DAPK1: variants seen among roughly 807,000 people sequenced by gnomAD.
DAPK1 encodes death associated protein kinase 1, also known as death-associated protein kinase 1.
Under a neutral mutation model 144.9 loss-of-function variants are expected in DAPK1, and 56 were observed. That is an observed-to-expected ratio of 0.39 (90% CI 0.31 to 0.48). DAPK1 has a LOEUF of 0.48. Ranked by LOEUF, DAPK1 falls within the 20% of genes least tolerant of loss-of-function variation. DAPK1 has a pLI of 0.95. For missense variants in DAPK1, 1,454 were observed against 1,875.4 expected (o/e 0.78, Z 4.15); for synonymous variants, 690 against 749.0 (o/e 0.92, Z 1.29).
chr9:87,552,760 T>C (rs1485246229), intron 2 of DAPK1, among the ~76,000 whole-genome samples: 1 of 45,296 alleles, frequency 2.2e-5, no homozygotes, highest in Non-Finnish European at 4.3e-5. Flanking sequence ...CCCCGTTAAT[T>C]TTTTTTTTTT....
intron 18 of DAPK1, among the ~76,000 whole-genome samples, chr9:87,662,861 T>A (rs1021393458): frequency 2.0e-5 from 3 of 151,920 alleles, no homozygotes; most frequent in African/African-American, 7.3e-5. Context: ...ATTCTTAAAT[T>A]ATTGAGATTT....
intron 2 of DAPK1, among the ~76,000 whole-genome samples, chr9:87,560,666 AC>A (rs1420970049): frequency 1.9e-5 from 2 of 107,310 alleles, no homozygotes; most frequent in Non-Finnish European, 1.8e-5. Flanking sequence ...GTCAGAACGT[AC>A]TTTTTTTTTT....
At position 87,498,925 on chromosome 9, in the gene DAPK1, G is replaced by A. The variant is rs536937970; in HGVS notation, c.-108-45G>A. ...CCGGGGAGGTCTACTTCCTTTTGGG[G>A]TTGCCATTTTACTATTATTATTGCC... is the stretch of plus-strand genomic sequence containing the variant. On this transcript the variant is annotated intron_variant, in intron 1 of 25. Transcript: ENST00000408954. 2.7e-5 allele frequency: 16 copies of A among 600,482 alleles called. No homozygotes were observed. In the East Asian group the frequency reaches 4.4e-4, roughly 17 times the overall value. 37.2% of individuals were successfully genotyped at this position (600,482 alleles called of 1,614,324 possible).
At chr9:87,662,808 C>A (rs1830912237) in intron 18 of DAPK1, among the ~76,000 whole-genome samples, 1 of 151,806 alleles carries the variant, frequency 6.6e-6, no homozygotes, top group Admixed American at 6.6e-5. Context: ...AATTTGGATG[C>A]CTCTATTCCT....
In DAPK1 at chr9:87,577,221, C is replaced by T. The variant is rs376306665; in HGVS notation, c.63-27733C>T. Among the ~76,000 whole-genome samples, 21 of 152,290 alleles carry T rather than the reference C, an allele frequency of 1.4e-4. No homozygotes were observed. The East Asian group carries it at 3.9e-3, about 28-fold the overall frequency. Reference sequence around the variant, plus strand: ...GGACCTGCATCATTTTCATCATCGCCTGGAAACTGGTTAGAAATGCAGATT... The same window carrying T: ...GGACCTGCATCATTTTCATCATCGCTTGGAAACTGGTTAGAAATGCAGATT... On this transcript the variant is annotated intron_variant, in intron 2 of 25. Coordinates refer to ENST00000408954, the MANE Select transcript of DAPK1 (RefSeq NM_004938.4).
At position 87,662,560 on chromosome 9, in the gene DAPK1, GTTTTTTTTTT is replaced by G. The variant is rs71507734; in HGVS notation, c.1923+4449_1923+4458del. 5.1e-3 allele frequency among the ~76,000 whole-genome samples: 163 copies of G among 32,148 alleles called. 6 individuals carry two copies. The East Asian group carries it at 0.1, about 20-fold the overall frequency. The allele number at this position is 32,148 out of a possible 152,430, so 21.1% of individuals were successfully genotyped here. A position where few individuals can be genotyped will look rare whatever the true frequency, so the allele number is the denominator to read the frequency against. Reference sequence around the variant, plus strand: ...ACCTCCTTGGTTAAATATATTCCTAGTTTTTTTTTTTTTTTTTTTTTTTTTGGTAGCTATT... The same window carrying G: ...ACCTCCTTGGTTAAATATATTCCTAGTTTTTTTTTTTTTTTGGTAGCTATT... On this transcript the variant is annotated intron_variant, in intron 18 of 25. Coordinates refer to ENST00000408954, the MANE Select transcript of DAPK1 (RefSeq NM_004938.4).
intron 2 of DAPK1, among the ~76,000 whole-genome samples, chr9:87,510,922 G>A (rs1219996552): frequency 6.6e-6 from 1 of 152,230 alleles, no homozygotes; most frequent in African/African-American, 2.4e-5. Flanking sequence ...GCTTGGCACA[G>A]TACTAGGCAC....
chr9:87,500,714 G>A (rs1824358107), intron 2 of DAPK1, among the ~76,000 whole-genome samples: 1 of 152,086 alleles, frequency 6.6e-6, no homozygotes, highest in African/African-American at 2.4e-5. Flanking sequence ...TCTTTATTTC[G>A]TGGGCGTGAT....
intron 2 of DAPK1, among the ~76,000 whole-genome samples, chr9:87,547,031 C>T (rs1157305389): frequency 6.6e-6 from 1 of 152,100 alleles, no homozygotes; most frequent in Non-Finnish European, 1.5e-5. Flanking sequence ...TTGGCATGCG[C>T]CTATAGTCCC....
chr9:87,511,780 G>A (rs1311135706), intron 2 of DAPK1, among the ~76,000 whole-genome samples: 2 of 150,652 alleles, frequency 1.3e-5, no homozygotes, highest in Admixed American at 6.6e-5. Context: ...GCGCGATCTC[G>A]GCTCACTGCA....
Position 87,707,493 on chromosome 9 carries a change from C to G in DAPK1, c.*129C>G. ...CCACAGCCAGGGGGATGCCACTCCTCCCTCCGGCTTGACCTGTTTCTCTGC... is the reference window on the plus strand; with the variant it reads ...CCACAGCCAGGGGGATGCCACTCCTGCCTCCGGCTTGACCTGTTTCTCTGC... On this transcript the variant is annotated 3_prime_UTR_variant, in exon 26 of 26. Coordinates refer to ENST00000408954, the MANE Select transcript of DAPK1 (RefSeq NM_004938.4). This position sits in a 1 kb window ranked among gnomAD's most constrained non-coding sequence, Gnocchi z 4.0. 3 of 642,084 alleles carry G rather than the reference C, an allele frequency of 4.7e-6. No individual in the cohort carries two copies. Among genetic ancestry groups the G allele is most frequent in the East Asian group, 2.7e-5 (1 of 36,600 alleles). The allele number at this position is 642,084 out of a possible 1,614,324, so 39.8% of individuals were successfully genotyped here. A position where few individuals can be genotyped will look rare whatever the true frequency, so the allele number is the denominator to read the frequency against.
intron 2 of DAPK1, among the ~76,000 whole-genome samples, chr9:87,559,314 G>T (rs952773592): frequency 6.6e-6 from 1 of 151,900 alleles, no homozygotes; most frequent in South Asian, 2.1e-4. Flanking sequence ...GCTAGGCTAG[G>T]GTAGGGTAGG....
intron 2 of DAPK1, among the ~76,000 whole-genome samples, chr9:87,518,732 G>A (rs749082331): frequency 1.2e-4 from 19 of 152,086 alleles, no homozygotes; most frequent in Non-Finnish European, 2.2e-4. Context: ...AGAACCGTAT[G>A]TACAAAGGTT....
chr9:87,675,939 C>T (rs1824361126), intron 19 of DAPK1, among the ~76,000 whole-genome samples: 1 of 149,754 alleles, frequency 6.7e-6, no homozygotes, highest in Non-Finnish European at 1.5e-5. Flanking sequence ...ATTCTGCGCT[C>T]CTTGGAGTTC....
chr9:87,545,330 T>C (rs1206265777), intron 2 of DAPK1, among the ~76,000 whole-genome samples: 1 of 152,170 alleles, frequency 6.6e-6, no homozygotes, highest in Non-Finnish European at 1.5e-5. Context: ...GCTCTGGCAG[T>C]TACTTGGGAT....
chr9:87,681,573 C>T lies in DAPK1; in HGVS notation c.2171C>T (p.Ser724Phe), dbSNP rs758270843. Residue 724 changes from serine to phenylalanine, a missense_variant, in exon 20 of 26, where the codon TCT (serine) becomes TTT (phenylalanine). Physicochemically the swap from Ser to Phe is radical, Grantham distance 155. This residue lies in a region of DAPK1 where 1,025 missense variants were observed against 1,237.9 expected (regional missense o/e 0.83). Transcript: ENST00000408954. ...SFFRRRRPRL[S>F]STNSSRFPPS... ...TTCAGAAGGCGTCGGCCCAGACTGT[C>T]TTCCACCAACTCCAGCAGGTTCCCA... 6.2e-7 allele frequency: 1 copy of T among 1,611,972 alleles called. No individual in the cohort carries two copies. Among genetic ancestry groups the T allele is most frequent in the Admixed American group, 1.7e-5 (1 of 60,014 alleles).
chr9:87,662,277 T>C (rs967249285), intron 18 of DAPK1, among the ~76,000 whole-genome samples: 18 of 152,344 alleles, frequency 1.2e-4, no homozygotes, highest in African/African-American at 3.6e-4. Context: ...TTTGCTCTTT[T>C]TGCTTAGGAT....
Position 87,692,546 on chromosome 9 carries a change from T to A in DAPK1, c.2414-4461T>A, listed in dbSNP as rs544693949. Among the ~76,000 whole-genome samples the A allele has an allele frequency of 4.6e-5, 7 of 152,272 alleles. No individual in the cohort carries two copies. The South Asian group carries it at 1.4e-3, about 32-fold the overall frequency. On this transcript the variant is annotated intron_variant, in intron 21 of 25. Coordinates refer to ENST00000408954, the MANE Select transcript of DAPK1 (RefSeq NM_004938.4). ...TGGTTTTTTGTTGTTTCATATATTC[T>A]TTATTCCTTTCTCCTTCATTATCAT...
chr9:87,554,252 G>T (rs1299926263), intron 2 of DAPK1: 1 of 152,200 alleles, frequency 6.6e-6, no homozygotes, highest in Non-Finnish European at 1.5e-5. Flanking sequence ...TCTTAAACAA[G>T]TCCAAGGAAG....
Sources: allele counts gnomAD v4.1 joint callset (sites outside exome capture counted in the v4.1 genomes callset), GRCh38; gene constraint gnomAD v4.1.1; regional missense constraint gnomAD v4.1.1; non-coding constraint Gnocchi (gnomAD v3.1); transcripts MANE v1.5; gene names NCBI Gene and HGNC (gene_info 2026-07-23, HGNC 2026-07-21).